Variants in HAAO observed in about 807,000 individuals in gnomAD.
The protein encoded by HAAO is 3-hydroxyanthranilate 3,4-dioxygenase, also known as 3-hydroxyanthranilate oxygenase.
HAAO carries 49 observed loss-of-function variants against 46.2 expected under a neutral mutation model. The observed-to-expected ratio is 1.06, with a 90% CI of 0.84 to 1.34. The LOEUF (loss-of-function observed/expected upper bound fraction) is 1.34. HAAO is among the 40% of genes most tolerant of loss of function. HAAO has a pLI of 0.00. For missense variants in HAAO, 408 were observed against 364.5 expected (o/e 1.12, Z -0.97); for synonymous variants, 157 against 145.2 (o/e 1.08, Z -0.58).
chr2:42,783,138 C>T (rs1672135992), intron 4 of HAAO, 176 bp downstream of exon 4: 1 of 596,340 alleles, frequency 1.7e-6, no homozygotes, highest in South Asian at 2.0e-5. Context: ...TCTACCCCTC[C>T]ACCATCAGCC....
intron 2 of HAAO, among the ~76,000 whole-genome samples, chr2:42,784,487 G>A (rs1573946884): frequency 8.0e-6 from 1 of 124,776 alleles, no homozygotes; most frequent in African/African-American, 3.0e-5. Context: ...GTGGGGGATG[G>A]GAGCATATGC....
chr2:42,777,779 T>G (rs536883653), intron 4 of HAAO, among the ~76,000 whole-genome samples: 3 of 151,788 alleles, frequency 2.0e-5, no homozygotes, highest in African/African-American at 7.3e-5. Flanking sequence ...TACTTTCCAA[T>G]AAAAATATAT....
intron 2 of HAAO, among the ~76,000 whole-genome samples, chr2:42,786,602 A>C (rs1384579356): frequency 6.6e-6 from 1 of 152,134 alleles, no homozygotes; most frequent in Non-Finnish European, 1.5e-5. Flanking sequence ...AGGCTTGGAG[A>C]GGTGACATGA....
intron 4 of HAAO, among the ~76,000 whole-genome samples, chr2:42,775,455 A>G (rs1167859847): frequency 6.6e-6 from 1 of 152,104 alleles, no homozygotes; most frequent in Non-Finnish European, 1.5e-5. Flanking sequence ...AAATACGGTA[A>G]TGAGATTTAA....
chr2:42,767,091 C>T lies in HAAO; in HGVS notation c.*346G>A, dbSNP rs550149722. On this transcript the variant is annotated 3_prime_UTR_variant, in exon 10 of 10. Coordinates refer to ENST00000294973, the MANE Select transcript of HAAO (RefSeq NM_012205.3). The stretch of plus-strand genomic sequence containing the variant: ...TGCCTGCGGCAGACCCCCAGGTGTG[C>T]GTTCCTCAGGAAGCCTTTATTGAGG... 6.8e-5 allele frequency: 27 copies of T among 399,398 alleles called. No individual in the cohort carries two copies. In the East Asian group the frequency reaches 9.2e-4, roughly 14 times the overall value. The allele number at this position is 399,398 out of a possible 1,614,324, so 24.7% of individuals were successfully genotyped here.
rs1400029363 is a variant in HAAO at position 42,767,696 on chromosome 2, A to G, written c.700-19T>C. 3 of 1,569,642 alleles carry G rather than the reference A, an allele frequency of 1.9e-6. No homozygotes were observed. In the East Asian group the frequency reaches 7.0e-5, roughly 37 times the overall value. On this transcript the variant is annotated intron_variant, in intron 8 of 9. Coordinates refer to ENST00000294973, the MANE Select transcript of HAAO (RefSeq NM_012205.3). ...AGCCCTCCTGGAGAAGAGGAGCAGG[A>G]GAATCAAATGGAGACTGTTGGGCCT...
chr2:42,770,357 C>T, intron 5 of HAAO, 136 bp downstream of exon 5: 1 of 881,940 alleles, frequency 1.1e-6, no homozygotes. Context: ...GCTGCTGCTC[C>T]CCCCTCCCCC....
intron 2 of HAAO, among the ~76,000 whole-genome samples, chr2:42,785,005 G>C (rs546460747): frequency 1.3e-5 from 2 of 152,330 alleles, no homozygotes; most frequent in South Asian, 4.1e-4. Flanking sequence ...AGACATACCT[G>C]CCTAGTGGTG....
rs1210520800 is a variant in HAAO, at chr2:42,767,511, C to A, written c.787G>T (p.Ala263Ser). 6.2e-6 allele frequency: 10 copies of A among 1,611,338 alleles called. No individual in the cohort carries two copies. Among genetic ancestry groups the A allele is most frequent in the African/African-American group, 1.3e-5 (1 of 74,908 alleles). ...SLLVLAGTSY[A>S]WERTQGSVAL... is the part of the protein sequence containing the mutation. ...ACAGAGCCTTGTGTTCGCTCCCAGG[C>A]ATACCTGTGGACACACAGATGAGCA... The change falls in exon 10 of 10, where the codon GCC becomes TCC. Residue 263 changes from alanine (A) to serine (S), a missense_variant. Coordinates refer to ENST00000294973, the MANE Select transcript of HAAO (RefSeq NM_012205.3).
At chr2:42,769,569 ATGTGTGTGTGTGTGTG>A (rs35746707) in intron 7 of HAAO, 128 bp downstream of exon 7, 139 of 588,716 alleles carry the variant, frequency 2.4e-4, no homozygotes, top group African/African-American at 1.2e-3. Context: ...AACCTCTGAA[ATGTGTGTGTGTGTGTG>A]TGTGTGTGTG....
chr2:42,769,569 A>ATG (rs35746707), intron 7 of HAAO, 144 bp downstream of exon 7: 26,060 of 584,640 alleles, frequency 0.045, 172 homozygotes, highest in East Asian at 0.061. Context: ...AACCTCTGAA[A>ATG]TGTGTGTGTG....
intron 1 of HAAO, chr2:42,789,055 A>T (rs571210698): frequency 5.3e-6 from 1 of 190,466 alleles, no homozygotes; most frequent in African/African-American, 2.3e-5. Context: ...GGCTGGAGGC[A>T]TGGCTCAGTG....
Position 42,788,526 on chromosome 2 carries a change from TA to T in HAAO, c.159+2del. The T allele has an allele frequency of 1.9e-6, 3 of 1,590,760 alleles. No individual in the cohort carries two copies. Among genetic ancestry groups the T allele is most frequent in the Non-Finnish European group, 2.6e-6 (3 of 1,159,112 alleles). On this transcript the variant is annotated splice_donor_variant, in intron 2 of 9. Coordinates refer to ENST00000294973, the MANE Select transcript of HAAO (RefSeq NM_012205.3). LOFTEE classifies it high-confidence loss of function. Reference sequence around the variant, plus strand: ...TAGATCCAGGGAGACCAGTCAAACCTACCTCTTCACCCTCTTCGATGTGATA... The same window carrying T: ...TAGATCCAGGGAGACCAGTCAAACCTCCTCTTCACCCTCTTCGATGTGATA...
Position 42,767,654 on chromosome 2 carries a change from C to T in HAAO, c.723G>A (p.Met241Ile), listed in dbSNP as rs763755055. The change falls in exon 9 of 10, where the codon ATG (methionine) becomes ATA (isoleucine). Residue 241 changes from methionine (M) to isoleucine (I), a missense_variant. By Grantham distance (10) the Met-to-Ile change is conservative. Transcript: ENST00000294973. ...GGGCCAGGCTCAGGCGCCGTCCCCC[C>T]ATTGTCACCACCGAGGAGCCCTCCT... ...WQLEGSSVVT[M>I]GGRRLSLAPD... 29 of 1,568,220 alleles carry T rather than the reference C, an allele frequency of 1.8e-5. No homozygotes were observed. Among genetic ancestry groups the T allele is most frequent in the South Asian group, 1.6e-4 (14 of 86,316 alleles).
Position 42,767,428 on chromosome 2 carries a change from G to T in HAAO, c.*9C>A. On this transcript the variant is annotated 3_prime_UTR_variant, in exon 10 of 10. Coordinates refer to ENST00000294973, the MANE Select transcript of HAAO (RefSeq NM_012205.3). The stretch of plus-strand genomic sequence containing the variant: ...ACACCTGTGGCTGCTTCAGGCCATG[G>T]CAAGAGGGTCACCCCAGGGGCTTCT... 6.2e-7 allele frequency: 1 copy of T among 1,606,468 alleles called. No individual in the cohort carries two copies. Among genetic ancestry groups the T allele is most frequent in the Non-Finnish European group, 8.5e-7 (1 of 1,174,640 alleles).
intron 1 of HAAO, chr2:42,789,086 C>G (rs1672600798): frequency 5.5e-6 from 1 of 181,230 alleles, no homozygotes; most frequent in African/African-American, 2.3e-5. Context: ...ACCGTGACAT[C>G]TAGCAGGGGC....
At position 42,792,440 on chromosome 2, in the gene HAAO, G is replaced by C. The variant is rs529545121; in HGVS notation, c.80+17C>G. The C allele has an allele frequency of 4.6e-6, 7 of 1,515,598 alleles. No homozygotes were observed. Among genetic ancestry groups the C allele is most frequent in the Non-Finnish European group, 6.3e-6 (7 of 1,115,202 alleles). 93.9% of individuals were successfully genotyped at this position (1,515,598 alleles called of 1,614,324 possible). A position where few individuals can be genotyped will look rare whatever the true frequency, so the allele number is the denominator to read the frequency against. On this transcript the variant is annotated intron_variant, in intron 1 of 9. Transcript: ENST00000294973. ...GGAGGCGAGGGCAGGGGGCGGCCATGGGGGTGCTGGACTCACATGAGCTTG... is the reference window on the plus strand; with the variant it reads ...GGAGGCGAGGGCAGGGGGCGGCCATCGGGGTGCTGGACTCACATGAGCTTG...
In HAAO at chr2:42,792,547, G is replaced by A. The variant is rs770212366; in HGVS notation, c.-11C>T. The stretch of plus-strand genomic sequence containing the variant: ...CAGGCGGCGCTCCATGACTGTCCCG[G>A]GCGCCTCCTCGCAGCGCTGTCCTCC... On this transcript the variant is annotated 5_prime_UTR_variant, in exon 1 of 10. Transcript: ENST00000294973. 3 of 1,549,202 alleles carry A rather than the reference G, an allele frequency of 1.9e-6. No homozygotes were observed. The highest frequency in any genetic ancestry group is 1.2e-5 in the South Asian group (1 of 84,044).
intron 2 of HAAO, among the ~76,000 whole-genome samples, chr2:42,786,469 G>A (rs992657773): frequency 3.3e-5 from 5 of 152,200 alleles, no homozygotes; most frequent in Admixed American, 2.0e-4. Flanking sequence ...CAGAAAGGGC[G>A]AGAGGTGTAG....
Sources: gnomAD v4.1 joint callset for allele counts (sites outside exome capture counted in the v4.1 genomes callset) on GRCh38, gnomAD v4.1.1 for gene constraint, MANE v1.5 for transcripts, NCBI Gene and HGNC (gene_info 2026-07-23, HGNC 2026-07-21) for gene names.